The following PPFIA2 variants were observed in gnomAD, a reference collection of about 807,000 sequenced individuals.
The protein encoded by PPFIA2 is PPFI scaffold protein A2.
PPFIA2 carries 46 observed loss-of-function variants against 175.5 expected under a neutral mutation model. That is an observed-to-expected ratio of 0.26 (90% CI 0.21 to 0.34). The LOEUF is 0.34. Among genes scored for constraint, PPFIA2 ranks in the 10% least tolerant of loss-of-function variants. The pLI is 1.00. For missense variants in PPFIA2, 1,179 were observed against 1,506.1 expected (o/e 0.78, Z 3.60); for synonymous variants, 568 against 511.4 (o/e 1.11, Z -1.49).
intron 3 of PPFIA2, among the ~76,000 whole-genome samples, chr12:81,745,424 G>C (rs1443865991): frequency 4.6e-5 from 7 of 152,186 alleles, no homozygotes; most frequent in Admixed American, 1.3e-4. Flanking sequence ...GACCACAGTG[G>C]CATGTGGCTG....
chr12:81,425,676 T>C (rs984398622), intron 7 of PPFIA2, among the ~76,000 whole-genome samples: 1 of 152,100 alleles, frequency 6.6e-6, no homozygotes, highest in Non-Finnish European at 1.5e-5. Context: ...ACCCAGCCCC[T>C]ACAGTATTAT....
At chr12:81,566,530 CAAAAAAA>C (rs3075452) in intron 4 of PPFIA2, among the ~76,000 whole-genome samples, 5 of 68,456 alleles carry the variant, frequency 7.3e-5, no homozygotes, top group Non-Finnish European at 1.1e-4. Flanking sequence ...GACTCCAACT[CAAAAAAA>C]AAAAAAAAAA....
chr12:81,555,699 TGTAA>T (rs1430304120), intron 4 of PPFIA2, among the ~76,000 whole-genome samples: 10 of 151,934 alleles, frequency 6.6e-5, no homozygotes, highest in Admixed American at 1.3e-4. Flanking sequence ...AGCACAAATC[TGTAA>T]GTCAGTAAAT....
At chr12:81,276,982 A>T (rs2040685843) in intron 28 of PPFIA2, among the ~76,000 whole-genome samples, 1 of 152,210 alleles carries the variant, frequency 6.6e-6, no homozygotes, top group Non-Finnish European at 1.5e-5. Context: ...TGTTTCTCTG[A>T]ATCATACTGA....
intron 4 of PPFIA2, among the ~76,000 whole-genome samples, chr12:81,552,029 C>T (rs951856299): frequency 1.3e-5 from 2 of 151,388 alleles, no homozygotes; most frequent in Non-Finnish European, 3.0e-5. Flanking sequence ...ATTTAAAGAA[C>T]TTAATTATTT....
At chr12:81,506,697 C>T (rs975740654) in intron 4 of PPFIA2, among the ~76,000 whole-genome samples, 2 of 152,122 alleles carry the variant, frequency 1.3e-5, no homozygotes, top group African/African-American at 4.8e-5. Context: ...CTAAAGTAGG[C>T]AAATTATCTT....
chr12:81,362,158 T>G (rs947374528), intron 15 of PPFIA2, among the ~76,000 whole-genome samples: 6 of 151,278 alleles, frequency 4.0e-5, no homozygotes, highest in Non-Finnish European at 7.4e-5. Flanking sequence ...TGTTTTCTTT[T>G]CTTTTATCTG....
At chr12:81,627,770 T>C (rs893162905) in intron 4 of PPFIA2, among the ~76,000 whole-genome samples, 1 of 152,180 alleles carries the variant, frequency 6.6e-6, no homozygotes, top group Non-Finnish European at 1.5e-5. Flanking sequence ...TTTCATAGGT[T>C]GCCCTCTTGT....
At chr12:81,722,292 G>A (rs1353239995) in intron 3 of PPFIA2, among the ~76,000 whole-genome samples, 1 of 150,936 alleles carries the variant, frequency 6.6e-6, no homozygotes, top group Non-Finnish European at 1.5e-5. Context: ...AGAAGACAGT[G>A]TATGACAATC....
intron 3 of PPFIA2, among the ~76,000 whole-genome samples, chr12:81,705,143 G>A (rs1281696117): frequency 7.1e-6 from 1 of 140,916 alleles, no homozygotes; most frequent in East Asian, 2.3e-4. Context: ...TCTACCTGGT[G>A]TATTGTTACA....
intron 4 of PPFIA2, among the ~76,000 whole-genome samples, chr12:81,556,141 T>C (rs1036794466): frequency 7.2e-5 from 11 of 152,012 alleles, no homozygotes; most frequent in African/African-American, 2.7e-4. Flanking sequence ...AAATACTGTG[T>C]GTTATATTAT....
chr12:81,363,319 G>A (rs2031743081), intron 14 of PPFIA2, among the ~76,000 whole-genome samples: 1 of 150,616 alleles, frequency 6.6e-6, no homozygotes, highest in African/African-American at 2.4e-5. Context: ...TTAAAGACAG[G>A]GCCTCACTCT....
At chr12:81,672,479 T>C (rs1319741200) in intron 4 of PPFIA2, among the ~76,000 whole-genome samples, 1 of 151,890 alleles carries the variant, frequency 6.6e-6, no homozygotes, top group Non-Finnish European at 1.5e-5. Flanking sequence ...TTCTGTTTCC[T>C]CAGTGGGGAA....
At chr12:81,646,668 T>G (rs1024805225) in intron 4 of PPFIA2, among the ~76,000 whole-genome samples, 9 of 152,226 alleles carry the variant, frequency 5.9e-5, no homozygotes, top group Non-Finnish European at 1.2e-4. Context: ...AGGAAGAATT[T>G]TAAGCCTGTG....
intron 3 of PPFIA2, among the ~76,000 whole-genome samples, chr12:81,713,360 A>G (rs2153618109): frequency 6.6e-6 from 1 of 151,252 alleles, no homozygotes; most frequent in Non-Finnish European, 1.5e-5. Flanking sequence ...CAAAGTCAGG[A>G]AGACTGCTTT....
intron 4 of PPFIA2, among the ~76,000 whole-genome samples, chr12:81,648,926 C>G (rs1228510495): frequency 6.6e-6 from 1 of 151,362 alleles, no homozygotes; most frequent in Non-Finnish European, 1.5e-5. Flanking sequence ...GAACAATTGG[C>G]TAGCCATATG....
chr12:81,323,755 C>T (rs1368474965), intron 22 of PPFIA2, among the ~76,000 whole-genome samples: 2 of 151,960 alleles, frequency 1.3e-5, no homozygotes, highest in African/African-American at 4.8e-5. Context: ...ATGAAGACAA[C>T]TTACTCTCTG....
intron 4 of PPFIA2, among the ~76,000 whole-genome samples, chr12:81,655,731 G>C (rs905195711): frequency 6.6e-6 from 1 of 151,834 alleles, no homozygotes; most frequent in Non-Finnish European, 1.5e-5. Context: ...GCCTTCATTT[G>C]GTCAATTTGG....
intron 28 of PPFIA2, among the ~76,000 whole-genome samples, chr12:81,272,167 A>G (rs1470415543): frequency 1.3e-5 from 2 of 152,104 alleles, no homozygotes; most frequent in Non-Finnish European, 2.9e-5. Flanking sequence ...CATGGTTTTC[A>G]GTAGCTCTAT....
Sources: allele counts gnomAD v4.1 joint callset (sites outside exome capture counted in the v4.1 genomes callset), GRCh38; gene constraint gnomAD v4.1.1; transcripts MANE v1.5; gene names NCBI Gene and HGNC (gene_info 2026-07-23, HGNC 2026-07-21).